SYNE1: variants seen among roughly 807,000 people sequenced by gnomAD.
SYNE1 encodes spectrin repeat containing nuclear envelope protein 1, also known as nesprin-1.
In SYNE1, 616 loss-of-function variants were observed where a neutral mutation model predicts 1,111.0. That is an observed-to-expected ratio of 0.55 (90% CI 0.52 to 0.59). The LOEUF (loss-of-function observed/expected upper bound fraction) is 0.59, where lower values mean the gene tolerates loss of function less well. Among genes scored for constraint, SYNE1 ranks in the 20% least tolerant of loss-of-function variants. The pLI, the probability that SYNE1 is intolerant of heterozygous loss-of-function variation, is 0.00. For synonymous variants in SYNE1, 3,855 were observed against 3,825.8 expected, an observed-to-expected ratio of 1.01 and a Z score of -0.28; for missense variants, 10,006 against 10,417.0, an observed-to-expected ratio of 0.96 and a Z score of 1.72.
chr6:152,588,023 A>C (rs978832246), intron 3 of SYNE1, among the ~76,000 whole-genome samples: 5 of 152,238 alleles, frequency 3.3e-5, no homozygotes, highest in African/African-American at 1.2e-4. Context: ...AGCAGGATTT[A>C]ACTGGACACT....
rs777182389 is a variant in SYNE1, at chr6:152,331,580, C to T, written c.13105G>A (p.Glu4369Lys). Reference sequence around the variant, plus strand: ...GGAGGAGGGCTCTGCTTAAGGGCCTCGGCGATGTTGGGTTGTTGCTCTTCT... The same window carrying T: ...GGAGGAGGGCTCTGCTTAAGGGCCTTGGCGATGTTGGGTTGTTGCTCTTCT... ...WAEEQQPNIA[E>K]ALKQSPPPDM... The change falls in exon 78 of 146, where the codon GAG becomes AAG. Residue 4369 changes from glutamate (E) to lysine (K), a missense_variant. By Grantham distance (56) the Glu-to-Lys change is moderately conservative (BLOSUM62 1). This residue lies in a region of SYNE1 where 4,955 missense variants were observed against 5,017.2 expected (regional missense o/e 0.99). Transcript: ENST00000367255. The T allele has an allele frequency of 1.7e-5, 28 of 1,614,116 alleles. No homozygotes were observed. Among genetic ancestry groups the T allele is most frequent in the South Asian group, 6.6e-5 (6 of 91,078 alleles).
At position 152,483,268 on chromosome 6, in the gene SYNE1, A is replaced by G. The variant is rs1466723955; in HGVS notation, c.1186-19T>C. On this transcript the variant is annotated intron_variant, in intron 13 of 145. Transcript: ENST00000367255. ...CAAAGAGCTAAAATTTAAAAAGCAG[A>G]AAAGTAAAATATCTTTAATACAGAT... The G allele has an allele frequency of 3.1e-6, 5 of 1,611,458 alleles. No homozygotes were observed. The East Asian group carries it at 8.9e-5, about 29-fold the overall frequency.
chr6:152,378,582 C>T (rs1015657462), intron 56 of SYNE1, among the ~76,000 whole-genome samples: 2 of 152,200 alleles, frequency 1.3e-5, no homozygotes, highest in African/African-American at 4.8e-5. Context: ...GGTGGCACTA[C>T]ATCCTCCTAA....
At chr6:152,533,169 C>G (rs2099213660) in intron 4 of SYNE1, among the ~76,000 whole-genome samples, 2 of 152,046 alleles carry the variant, frequency 1.3e-5, no homozygotes, top group African/African-American at 4.8e-5. Context: ...TAATCTGCTT[C>G]TCTTTCACTG....
At chr6:152,361,123 C>A (rs908106095) in intron 64 of SYNE1, among the ~76,000 whole-genome samples, 3 of 152,110 alleles carry the variant, frequency 2.0e-5, no homozygotes, top group African/African-American at 7.2e-5. Context: ...AGAGACAGAG[C>A]AAGGACCTTC....
At position 152,192,956 on chromosome 6, in the gene SYNE1, T is replaced by C. The variant is rs567757183; in HGVS notation, c.23146-3549A>G. On this transcript the variant is annotated intron_variant, in intron 127 of 145. Transcript: ENST00000367255. ...CTTTATTTTCAGTGTATGTGTGTCT[T>C]TACAGATGAAGTGTGTTTCTTGTAG... Among the ~76,000 whole-genome samples, 9 of 152,326 alleles carry C rather than the reference T, an allele frequency of 5.9e-5. No individual in the cohort carries two copies. The East Asian group carries it at 1.5e-3, about 26-fold the overall frequency.
Position 152,465,677 on chromosome 6 carries a change from A to G in SYNE1, c.1730-217T>C, listed in dbSNP as rs2098760287. 2.6e-5 allele frequency among the ~76,000 whole-genome samples: 4 copies of G among 152,048 alleles called. No homozygotes were observed. The South Asian group carries it at 8.3e-4, about 32-fold the overall frequency. On this transcript the variant is annotated intron_variant, in intron 17 of 145. Transcript: ENST00000367255. ...TAATTTCTCATTTACTTGATTGGTA[A>G]TCCTTAACGTATTCTATGCTTTTGC...
At chr6:152,563,925 C>T (rs2099402960) in intron 3 of SYNE1, among the ~76,000 whole-genome samples, 1 of 151,976 alleles carries the variant, frequency 6.6e-6, no homozygotes. Context: ...TAGCAAGTTG[C>T]CAAGAGAATC....
At chr6:152,611,613 C>T (rs948054328) in intron 3 of SYNE1, among the ~76,000 whole-genome samples, 27 of 152,182 alleles carry the variant, frequency 1.8e-4, no homozygotes, top group Middle Eastern at 3.4e-3. Context: ...ACAAGGATAT[C>T]CAGGAATTGA....
rs1593027418 is a variant in SYNE1, at chr6:152,453,650, A to T, written c.2963T>A (p.Ile988Asn). The change falls in exon 25 of 146, where the codon ATC (isoleucine) becomes AAC (asparagine). Residue 988 changes from isoleucine to asparagine, a missense_variant. Physicochemically the swap from Ile to Asn is moderately radical, Grantham distance 149. Transcript: ENST00000367255. ...FLKACDELTD[I>N]LPEQEQQGLQ... ...CCCCTGCTGCTCCTGCTCTGGAAGGATGTCGGTGAGTTCATCACAAGCTTT... is the reference window on the plus strand; with the variant it reads ...CCCCTGCTGCTCCTGCTCTGGAAGGTTGTCGGTGAGTTCATCACAAGCTTT... The T allele has an allele frequency of 6.2e-7, 1 of 1,614,144 alleles. No homozygotes were observed. Among genetic ancestry groups the T allele is most frequent in the Non-Finnish European group, 8.5e-7 (1 of 1,180,036 alleles).
chr6:152,352,408 CTTT>C, intron 69 of SYNE1, 55 bp from the exon 70 acceptor site: 6 of 1,303,666 alleles, frequency 4.6e-6, no homozygotes, highest in South Asian at 1.3e-5. Flanking sequence ...TCTTTTCTTT[CTTT>C]TTTTTTTTTG....
chr6:152,376,470 A>G lies in SYNE1; in HGVS notation c.9235T>C (p.Trp3079Arg). Residue 3079 changes from tryptophan to arginine, a missense_variant, in exon 58 of 146, where the codon TGG becomes CGG. Trp to Arg is a moderately radical substitution (Grantham distance 101). Around this residue, in one of 7 missense-constraint regions of SYNE1, gnomAD observed 4,955 missense variants for 5,017.2 expected, o/e 0.99. Transcript: ENST00000367255. Reference sequence around the variant, plus strand: ...GTAGTGATTTTTGCATTAACCAACCACTGCTGGAAATCCCTGAAGGCCTTT... The same window carrying G: ...GTAGTGATTTTTGCATTAACCAACCGCTGCTGGAAATCCCTGAAGGCCTTT... ...FRKAFRDFQQ[W>R]LVNAKITTAK... 6.2e-7 allele frequency: 1 copy of G among 1,614,212 alleles called. No homozygotes were observed. Among genetic ancestry groups the G allele is most frequent in the Non-Finnish European group, 8.5e-7 (1 of 1,180,038 alleles).
chr6:152,601,091 G>A (rs994354937), intron 3 of SYNE1, among the ~76,000 whole-genome samples: 3 of 152,176 alleles, frequency 2.0e-5, no homozygotes, highest in African/African-American at 4.8e-5. Flanking sequence ...CCTCTGAGAA[G>A]TGAGGAAGCT....
At position 152,404,290 on chromosome 6, in the gene SYNE1, T is replaced by G. The variant is rs2097862349; in HGVS notation, c.6748A>C (p.Arg2250=). 1.2e-6 allele frequency: 2 copies of G among 1,612,472 alleles called. No individual in the cohort carries two copies. Among genetic ancestry groups the G allele is most frequent in the African/African-American group, 2.7e-5 (2 of 74,856 alleles). ...FESEVKNKAL[R]LEELHSKVND... is the part of the protein sequence containing the mutation. ...ACTTTGGAATGCAGTTCTTCCAATC[T>G]CAATGCTTTGTTTTTAACTTCAGAC... Residue 2250 remains arginine (R), a synonymous_variant, in exon 46 of 146, where the codon AGA becomes CGA. Transcript: ENST00000367255.
At chr6:152,430,734 A>G in intron 34 of SYNE1, 25 bp from the exon 35 acceptor site, 1 of 1,603,924 alleles carries the variant, frequency 6.2e-7, no homozygotes, top group Non-Finnish European at 8.5e-7. Flanking sequence ...AAGAAAAATG[A>G]CAATGTAGGC....
At chr6:152,589,594 C>T (rs1242743041) in intron 3 of SYNE1, among the ~76,000 whole-genome samples, 1 of 152,120 alleles carries the variant, frequency 6.6e-6, no homozygotes, top group South Asian at 2.1e-4. Context: ...AACATTTCAT[C>T]CATCAATTCA....
chr6:152,299,363 G>A (rs2095051443), intron 93 of SYNE1, among the ~76,000 whole-genome samples: 1 of 152,122 alleles, frequency 6.6e-6, no homozygotes, highest in Non-Finnish European at 1.5e-5. Context: ...ATTTTAAAAT[G>A]AGAATTTGAA....
At chr6:152,338,248 T>A (rs2096450564) in intron 75 of SYNE1, among the ~76,000 whole-genome samples, 1 of 151,948 alleles carries the variant, frequency 6.6e-6, no homozygotes. Flanking sequence ...TATTTTGACA[T>A]TTTTTTCCTG....
chr6:152,247,750 T>TACAC (rs61420132), intron 105 of SYNE1, among the ~76,000 whole-genome samples: 2,813 of 112,300 alleles, frequency 0.025, 81 homozygotes, highest in East Asian at 0.14. Context: ...TATATATATA[T>TACAC]ACACACACAC....
Sources: allele counts gnomAD v4.1 joint callset (sites outside exome capture counted in the v4.1 genomes callset), GRCh38; gene constraint gnomAD v4.1.1; regional missense constraint gnomAD v4.1.1; transcripts MANE v1.5; gene names NCBI Gene and HGNC (gene_info 2026-07-23, HGNC 2026-07-21).